TIAM1: variants seen among roughly 807,000 people sequenced by gnomAD.
The protein encoded by TIAM1 is TIAM Rac1 associated GEF 1, also known as rho guanine nucleotide exchange factor TIAM1.
In TIAM1, 65 loss-of-function variants were observed where a neutral mutation model predicts 163.5. The ratio of observed to expected loss-of-function variants is 0.40; its 90% CI spans 0.33 to 0.49. TIAM1 has a LOEUF of 0.49. TIAM1 is among the 20% of genes least tolerant of loss of function. TIAM1 has a pLI of 0.77. For missense variants in TIAM1, 1,789 were observed against 2,044.7 expected, an observed-to-expected ratio of 0.87 and a Z score of 2.41; for synonymous variants, 833 against 810.1, an observed-to-expected ratio of 1.03 and a Z score of -0.48.
intron 2 of TIAM1, among the ~76,000 whole-genome samples, chr21:31,380,635 G>GTA (rs1272912545): frequency 2.0e-5 from 3 of 152,028 alleles, no homozygotes; most frequent in African/African-American, 7.2e-5. Context: ...TTCGAAAGGG[G>GTA]TATGAATTAT....
chr21:31,343,996 A>G (rs2147103245), intron 1 of TIAM1, 142 bp downstream of exon 1: 2 of 152,314 alleles, frequency 1.3e-5, no homozygotes, highest in Middle Eastern at 3.4e-3. Context: ...CACGGGACGC[A>G]CGGTTCCCCG....
intron 2 of TIAM1, among the ~76,000 whole-genome samples, chr21:31,445,754 C>A (rs921901744): frequency 3.3e-5 from 5 of 152,050 alleles, no homozygotes; most frequent in African/African-American, 1.2e-4. Flanking sequence ...GGACTATACC[C>A]ATTACATTTT....
intron 2 of TIAM1, among the ~76,000 whole-genome samples, chr21:31,389,299 T>C (rs573877411): frequency 6.6e-6 from 1 of 152,302 alleles, no homozygotes; most frequent in East Asian, 1.9e-4. Flanking sequence ...TACTGCAACC[T>C]CCGCCTCCCG....
intron 1 of TIAM1, among the ~76,000 whole-genome samples, chr21:31,495,660 T>C (rs897715602): frequency 2.0e-5 from 3 of 152,180 alleles, no homozygotes; most frequent in African/African-American, 7.2e-5. Context: ...GTCTGAACCA[T>C]ATACGACAGT....
rs2085452443 is a variant in TIAM1 at position 31,189,404 on chromosome 21, A to AGGAGACTTGCAGTC, written c.2576-2318_2576-2317insGACTGCAAGTCTCC. On this transcript the variant is annotated intron_variant, in intron 13 of 27. Transcript: ENST00000541036. ...TTTGTATAATCAAAAGGTTAAATAG[A>AGGAGACTTGCAGTC]GGAGACTTCCAGTCTGAGGACTGCA... 2.0e-5 allele frequency among the ~76,000 whole-genome samples: 3 copies of AGGAGACTTGCAGTC among 152,080 alleles called. No homozygotes were observed. The South Asian group carries it at 6.2e-4, about 32-fold the overall frequency.
chr21:31,141,187 C>T lies in TIAM1; in HGVS notation c.3705G>A (p.Gln1235=), dbSNP rs1477018688. 1.9e-6 allele frequency: 3 copies of T among 1,614,220 alleles called. No homozygotes were observed. The highest frequency in any genetic ancestry group is 2.5e-6 in the Non-Finnish European group (3 of 1,180,034). Residue 1235 remains glutamine, a synonymous_variant, in exon 22 of 28, where the codon CAG becomes CAA. Coordinates refer to ENST00000541036, the MANE Select transcript of TIAM1 (RefSeq NM_001353694.2). This position sits in a 1 kb window ranked among gnomAD's most constrained non-coding sequence, Gnocchi z 4.7. ...CAGCCCCAAACTCTTCATGGATTTT[C>T]TGCATCTCATTGATGTGACTGGCAA... ...NKVASHINEM[Q]KIHEEFGAVF...
chr21:31,388,978 G>A (rs921548498), intron 2 of TIAM1, among the ~76,000 whole-genome samples: 5 of 152,152 alleles, frequency 3.3e-5, no homozygotes, highest in African/African-American at 1.2e-4. Flanking sequence ...CTCTGCAAAG[G>A]GCCGGATGGT....
intron 2 of TIAM1, among the ~76,000 whole-genome samples, chr21:31,302,817 A>G (rs2074555230): frequency 6.6e-6 from 1 of 152,222 alleles, no homozygotes; most frequent in South Asian, 2.1e-4. Flanking sequence ...ATTAAAATCT[A>G]TCTATATTTT....
In TIAM1 at chr21:31,141,636, G is replaced by C. The variant is rs2082849678; in HGVS notation, c.3476-132C>G. 4.2e-6 allele frequency: 4 copies of C among 956,930 alleles called. No homozygotes were observed. Among genetic ancestry groups the C allele is most frequent in the Admixed American group, 2.5e-5 (1 of 39,508 alleles). The allele number at this position is 956,930 out of a possible 1,614,324, so 59.3% of individuals were successfully genotyped here. On this transcript the variant is annotated intron_variant, in intron 20 of 27. Coordinates refer to ENST00000541036, the MANE Select transcript of TIAM1 (RefSeq NM_001353694.2). This position sits in a 1 kb window ranked among gnomAD's most constrained non-coding sequence, Gnocchi z 4.7. ...GAGCAGAGAGTGGGTGGCAGGAAGA[G>C]GGACAGGTAGGGGAGGGGGCAGTCA...
At chr21:31,288,435 C>T (rs1479075266) in intron 2 of TIAM1, among the ~76,000 whole-genome samples, 1 of 152,114 alleles carries the variant, frequency 6.6e-6, no homozygotes, top group Non-Finnish European at 1.5e-5. Context: ...CAGATGGCAC[C>T]TTCCTGATAC....
chr21:31,343,963 C>T (rs1482767296), intron 1 of TIAM1, among the ~76,000 whole-genome samples, 175 bp downstream of exon 1: 1 of 152,216 alleles, frequency 6.6e-6, no homozygotes, highest in Non-Finnish European at 1.5e-5. Context: ...CTTGGAGACG[C>T]GCTTGCTCGT....
chr21:31,213,706 G>T (rs565907846), intron 9 of TIAM1, among the ~76,000 whole-genome samples: 57 of 151,834 alleles, frequency 3.8e-4, no homozygotes, highest in Admixed American at 7.9e-4. Flanking sequence ...AAAAAAGTTT[G>T]CTCTCAAATA....
At chr21:31,249,456 C>G (rs1440526824) in intron 5 of TIAM1, among the ~76,000 whole-genome samples, 1 of 152,184 alleles carries the variant, frequency 6.6e-6, no homozygotes, top group Non-Finnish European at 1.5e-5. Flanking sequence ...GGGCCTACCT[C>G]CAAATCTTGT....
chr21:31,478,093 G>C (rs1040851675), intron 1 of TIAM1, among the ~76,000 whole-genome samples: 1 of 152,242 alleles, frequency 6.6e-6, no homozygotes, highest in Non-Finnish European at 1.5e-5. Flanking sequence ...AACTCGCAGT[G>C]AAGTTTAAGG....
chr21:31,469,718 G>C (rs2045669697), intron 1 of TIAM1, among the ~76,000 whole-genome samples: 1 of 151,880 alleles, frequency 6.6e-6, no homozygotes, highest in African/African-American at 2.4e-5. Flanking sequence ...TGTAGTCCCA[G>C]CTACTCAGAA....
At chr21:31,224,932 CTT>C (rs1227366684) in intron 7 of TIAM1, among the ~76,000 whole-genome samples, 2 of 152,030 alleles carry the variant, frequency 1.3e-5, no homozygotes, top group East Asian at 1.9e-4. Context: ...TTCACTAAAT[CTT>C]TTTTCTTTAG....
Position 31,313,766 on chromosome 21 carries a change from G to A in TIAM1, c.-189+25477C>T, listed in dbSNP as rs7282871. Among the ~76,000 whole-genome samples, 1,003 of 152,234 alleles carry A rather than the reference G, an allele frequency of 6.6e-3. 12 individuals are homozygous for A. The highest frequency in any genetic ancestry group is 0.023 in the African/African-American group (962 of 41,538). ...AATTTTTTGTACTTTCAGTAGAGAC[G>A]CGGTTTCACCATGTTGGCCAGGCTG... On this transcript the variant is annotated intron_variant, in intron 2 of 27. Coordinates refer to ENST00000541036, the MANE Select transcript of TIAM1 (RefSeq NM_001353694.2).
intron 2 of TIAM1, among the ~76,000 whole-genome samples, chr21:31,336,729 C>T (rs902087940): frequency 5.3e-5 from 8 of 152,024 alleles, no homozygotes; most frequent in Non-Finnish European, 8.8e-5. Flanking sequence ...ACACTGGTTC[C>T]GAGGGGCAAA....
chr21:31,234,481 A>T (rs116162815), intron 6 of TIAM1, among the ~76,000 whole-genome samples: 1 of 152,092 alleles, frequency 6.6e-6, no homozygotes, highest in Admixed American at 6.5e-5. Flanking sequence ...GGAAATCACT[A>T]TGAAGGATCA....
Sources: gnomAD v4.1 joint callset for allele counts (sites outside exome capture counted in the v4.1 genomes callset) on GRCh38, gnomAD v4.1.1 for gene constraint, Gnocchi (gnomAD v3.1) non-coding constraint, MANE v1.5 for transcripts, NCBI Gene and HGNC (gene_info 2026-07-23, HGNC 2026-07-21) for gene names.